The following DNAH5 variants were observed in gnomAD, a reference collection of about 807,000 sequenced individuals.
DNAH5 encodes dynein axonemal heavy chain 5, also known as axonemal beta dynein heavy chain 5.
Under a neutral mutation model 518.2 loss-of-function variants are expected in DNAH5, and 372 were observed. That is an observed-to-expected ratio of 0.72 (90% CI 0.66 to 0.78). The LOEUF (loss-of-function observed/expected upper bound fraction) is 0.78. Ranked by LOEUF, DNAH5 falls within the 30% of genes least tolerant of loss-of-function variation. The probability of loss-of-function intolerance (pLI) is 0.00; values close to 1 mark genes in which losing one functional copy is unlikely to be tolerated. For synonymous variants in DNAH5, 2,039 were observed against 2,025.9 expected, an observed-to-expected ratio of 1.01 and a Z score of -0.17; for missense variants, 5,523 against 5,687.0, an observed-to-expected ratio of 0.97 and a Z score of 0.93.
chr5:13,840,983 G>A lies in DNAH5; in HGVS notation c.5632C>T (p.Leu1878=). The A allele has an allele frequency of 6.2e-7, 1 of 1,614,142 alleles. No individual in the cohort carries two copies. Among genetic ancestry groups the A allele is most frequent in the Non-Finnish European group, 8.5e-7 (1 of 1,180,004 alleles). ...NTLIDVTTRD[L]SSTERVKYET... ...TATTTCACTCGTTCCGTGGAACTCAGATCCCTCGTGGTGACGTCTATCAAT... is the reference window on the plus strand; with the variant it reads ...TATTTCACTCGTTCCGTGGAACTCAAATCCCTCGTGGTGACGTCTATCAAT... Residue 1878 remains leucine, a synonymous_variant, in exon 34 of 79, where the codon CTG becomes TTG. Coordinates refer to ENST00000265104, the MANE Select transcript of DNAH5 (RefSeq NM_001369.3).
chr5:13,964,910 C>T (rs988790274), intron 1 of DNAH5, among the ~76,000 whole-genome samples: 17 of 152,212 alleles, frequency 1.1e-4, no homozygotes, highest in African/African-American at 4.1e-4. Flanking sequence ...TCTTTTGTCC[C>T]CTTTGTACCA....
chr5:13,789,926 G>A (rs1033537939), intron 50 of DNAH5, among the ~76,000 whole-genome samples: 2 of 152,118 alleles, frequency 1.3e-5, no homozygotes, highest in Admixed American at 1.3e-4. Flanking sequence ...AGACATACAT[G>A]TGGCCAAGAA....
At chr5:13,818,487 G>C (rs552649423) in intron 41 of DNAH5, among the ~76,000 whole-genome samples, 2 of 152,174 alleles carry the variant, frequency 1.3e-5, no homozygotes. Context: ...ACTTCCTTGC[G>C]TATATCATGT....
intron 59 of DNAH5, among the ~76,000 whole-genome samples, chr5:13,764,593 TAGGTATATATATAGA>T (rs1316529738): frequency 1.3e-5 from 2 of 152,186 alleles, no homozygotes; most frequent in Non-Finnish European, 2.9e-5. Context: ...ACACTGCTGG[TAGGTATATATATAGA>T]TACATCAGTT....
chr5:13,876,639 A>C (rs748183921), intron 22 of DNAH5, 45 bp downstream of exon 22: 1 of 1,605,902 alleles, frequency 6.2e-7, no homozygotes, highest in East Asian at 2.2e-5. Context: ...ACACAAGTGC[A>C]TGTTGCAAAG....
At chr5:13,836,052 AT>A (rs1764352881) in intron 35 of DNAH5, among the ~76,000 whole-genome samples, 1 of 152,138 alleles carries the variant, frequency 6.6e-6, no homozygotes, top group Non-Finnish European at 1.5e-5. Flanking sequence ...TGGATTGCCC[AT>A]TTGGAGGTGA....
intron 31 of DNAH5, among the ~76,000 whole-genome samples, chr5:13,848,009 G>C (rs1766279350): frequency 1.3e-5 from 2 of 152,148 alleles, no homozygotes. Context: ...ACCTGATCCT[G>C]GTGTTAGGCA....
chr5:13,824,314 A>G lies in DNAH5; in HGVS notation c.6464T>C (p.Leu2155Pro). ...LSKQVHYDFG[L>P]RNILSVLRTL... ...CCGAAGAACTGACAGAATGTTACGC[A>G]GGCCAAAGTCATAATGAACCTAGAG... The change falls in exon 39 of 79, where the codon CTG becomes CCG. Residue 2155 changes from leucine to proline, a missense_variant. By Grantham distance (98) the Leu-to-Pro change is moderately conservative. Around this residue, in one of 3 missense-constraint regions of DNAH5, gnomAD observed 5,121 missense variants for 5,223.3 expected, o/e 0.98. Transcript: ENST00000265104. The G allele has an allele frequency of 1.2e-6, 2 of 1,614,122 alleles. No homozygotes were observed. The highest frequency in any genetic ancestry group is 1.7e-6 in the Non-Finnish European group (2 of 1,179,990).
intron 24 of DNAH5, among the ~76,000 whole-genome samples, chr5:13,868,289 A>T (rs1769578954): frequency 6.6e-6 from 1 of 152,224 alleles, no homozygotes; most frequent in African/African-American, 2.4e-5. Flanking sequence ...CAAATAAAAG[A>T]TATTTTTACT....
At chr5:13,873,163 G>T (rs2151923209) in intron 22 of DNAH5, among the ~76,000 whole-genome samples, 1 of 152,174 alleles carries the variant, frequency 6.6e-6, no homozygotes, top group South Asian at 2.1e-4. Flanking sequence ...GAACAACAAA[G>T]AAAGAATGTT....
chr5:13,768,931 C>G (rs377067284), intron 58 of DNAH5, 29 bp downstream of exon 58: 4 of 1,613,428 alleles, frequency 2.5e-6, no homozygotes, highest in Non-Finnish European at 3.4e-6. Flanking sequence ...AGCCCTAAAG[C>G]TGACATCTGT....
At chr5:13,863,353 A>T (rs1230870220) in intron 28 of DNAH5, among the ~76,000 whole-genome samples, 3 of 152,122 alleles carry the variant, frequency 2.0e-5, no homozygotes, top group Admixed American at 2.0e-4. Context: ...TTCCCTGCTG[A>T]GATGTTTCAA....
At chr5:13,888,987 A>T (rs527630395) in intron 17 of DNAH5, among the ~76,000 whole-genome samples, 1 of 152,226 alleles carries the variant, frequency 6.6e-6, no homozygotes, top group Non-Finnish European at 1.5e-5. Context: ...GCTGCCTATG[A>T]AAGCCATGTA....
At chr5:13,804,893 T>C (rs1257323208) in intron 47 of DNAH5, among the ~76,000 whole-genome samples, 2 of 152,336 alleles carry the variant, frequency 1.3e-5, no homozygotes, top group Middle Eastern at 3.4e-3. Flanking sequence ...AACGAGTACA[T>C]ATTTCATGTT....
rs1234414447 is a variant in DNAH5 at position 13,882,962 on chromosome 5, T to C, written c.3116A>G (p.Glu1039Gly). The change falls in exon 20 of 79, where the codon GAG becomes GGG. Residue 1039 changes from glutamate (E) to glycine (G), a missense_variant. Physicochemically the swap from Glu to Gly is moderately conservative, Grantham distance 98. This residue lies in a region of DNAH5 where 5,121 missense variants were observed against 5,223.3 expected (regional missense o/e 0.98). Transcript: ENST00000265104. ...CCCCTTAGGGACACTGATGATGCAC[T>C]CCACGGCTTTGTTCAGGGTCTGCTG... ...DVQQTLNKAV[E>G]CIISVPKGVR... 3 of 1,614,048 alleles carry C rather than the reference T, an allele frequency of 1.9e-6. No individual in the cohort carries two copies. The highest frequency in any genetic ancestry group is 2.5e-6 in the Non-Finnish European group (3 of 1,180,026).
intron 30 of DNAH5, among the ~76,000 whole-genome samples, chr5:13,853,804 G>A (rs1087770): frequency 0.064 from 9,772 of 151,768 alleles, 343 homozygotes; most frequent in African/African-American, 0.088. Context: ...GAAATAAAGC[G>A]TGAAGACAAG....
chr5:13,714,658 A>C (rs780046723), intron 74 of DNAH5, 38 bp from the exon 75 acceptor site: 2 of 1,599,016 alleles, frequency 1.3e-6, no homozygotes, highest in South Asian at 2.2e-5. Context: ...CAGACTGCCA[A>C]CATAAGCACC....
intron 51 of DNAH5, among the ~76,000 whole-genome samples, chr5:13,787,301 T>A (rs1245078430): frequency 6.6e-6 from 1 of 152,028 alleles, no homozygotes; most frequent in Non-Finnish European, 1.5e-5. Flanking sequence ...AAGGGACACA[T>A]TAGTTGAATA....
At chr5:13,937,782 T>C (rs928669336) in intron 1 of DNAH5, among the ~76,000 whole-genome samples, 9 of 152,194 alleles carry the variant, frequency 5.9e-5, no homozygotes, top group Admixed American at 2.6e-4. Flanking sequence ...GTTGCACACG[T>C]TGAAATGAAT....
Sources: gnomAD v4.1 joint callset for allele counts (sites outside exome capture counted in the v4.1 genomes callset) on GRCh38, gnomAD v4.1.1 for gene constraint, gnomAD v4.1.1 regional missense constraint, MANE v1.5 for transcripts, NCBI Gene and HGNC (gene_info 2026-07-23, HGNC 2026-07-21) for gene names.